Variants in PCDH9 observed in about 807,000 individuals in gnomAD.
PCDH9 encodes the protein protocadherin 9.
A neutral mutation model predicts 70.6 loss-of-function variants in PCDH9; 24 were observed. The observed-to-expected ratio is 0.34, with a 90% CI of 0.25 to 0.48. The LOEUF (loss-of-function observed/expected upper bound fraction) is 0.48. Among genes scored for constraint, PCDH9 ranks in the 20% least tolerant of loss-of-function variants. The pLI is 0.99. For missense variants in PCDH9, 1,281 were observed against 1,503.6 expected (o/e 0.85, Z 2.45); for synonymous variants, 562 against 558.5 (o/e 1.01, Z -0.09).
chr13:66,579,515 C>A (rs1264623498), intron 4 of PCDH9, among the ~76,000 whole-genome samples: 1 of 151,934 alleles, frequency 6.6e-6, no homozygotes. Flanking sequence ...ATTTTCGATG[C>A]TGACAATTTT....
In PCDH9 at chr13:66,646,668, A is replaced by G. The variant is rs111984770; in HGVS notation, c.3139-15257T>C. Among the ~76,000 whole-genome samples the G allele has an allele frequency of 4.1e-3, 619 of 152,350 alleles. 1 individual carries two copies. The highest frequency in any genetic ancestry group is 0.014 in the African/African-American group (598 of 41,588). ...AGATGGCTGAATAGAAGCCTTCACCAATCGTCTTCTACACAGAACATCAAA... is the reference window on the plus strand; with the variant it reads ...AGATGGCTGAATAGAAGCCTTCACCGATCGTCTTCTACACAGAACATCAAA... On this transcript the variant is annotated intron_variant, in intron 3 of 4. Coordinates refer to ENST00000377865, the MANE Select transcript of PCDH9 (RefSeq NM_203487.3).
chr13:66,859,289 T>C (rs2081443515), intron 3 of PCDH9, among the ~76,000 whole-genome samples: 1 of 152,130 alleles, frequency 6.6e-6, no homozygotes, highest in African/African-American at 2.4e-5. Context: ...TTCTTTTTGG[T>C]GTAGTAATAG....
intron 2 of PCDH9, among the ~76,000 whole-genome samples, chr13:66,913,688 C>T (rs1336401032): frequency 2.6e-5 from 4 of 151,862 alleles, no homozygotes; most frequent in East Asian, 1.9e-4. Context: ...TTTGCTCATT[C>T]GCTTAATATC....
At chr13:67,052,302 A>G (rs2085338389) in intron 2 of PCDH9, among the ~76,000 whole-genome samples, 1 of 152,066 alleles carries the variant, frequency 6.6e-6, no homozygotes. Flanking sequence ...GCCCTTTAAT[A>G]AGGGGTTAGG....
chr13:66,466,580 G>C (rs1796566395), intron 4 of PCDH9, among the ~76,000 whole-genome samples: 1 of 152,018 alleles, frequency 6.6e-6, no homozygotes, highest in Non-Finnish European at 1.5e-5. Context: ...CATGTGCTTT[G>C]TCTTGGTTCA....
intron 4 of PCDH9, among the ~76,000 whole-genome samples, chr13:66,514,500 AAAAAG>A (rs922460779): frequency 6.6e-6 from 1 of 151,724 alleles, no homozygotes; most frequent in African/African-American, 2.4e-5. Context: ...AAAAAAAAAA[AAAAAG>A]AAAGACATGC....
At chr13:67,197,266 T>C (rs189363826) in intron 2 of PCDH9, among the ~76,000 whole-genome samples, 90 of 152,062 alleles carry the variant, frequency 5.9e-4, no homozygotes, top group African/African-American at 2.0e-3. Context: ...ATGCATTCAT[T>C]CCTATGGCAA....
At chr13:66,630,896 TC>T in intron 4 of PCDH9, 1 of 220,062 alleles carries the variant, frequency 4.5e-6, no homozygotes, top group Non-Finnish European at 9.0e-6. Flanking sequence ...TTTTTGCAGT[TC>T]TAAAATGTGT....
At chr13:66,692,719 AT>A (rs1566509372) in intron 3 of PCDH9, among the ~76,000 whole-genome samples, 1 of 152,046 alleles carries the variant, frequency 6.6e-6, no homozygotes, top group Non-Finnish European at 1.5e-5. Context: ...TTATATTTAG[AT>A]TACTTTTAAT....
chr13:67,212,733 T>A (rs1261854950), intron 2 of PCDH9: 1 of 152,170 alleles, frequency 6.6e-6, no homozygotes, highest in Non-Finnish European at 1.5e-5. Flanking sequence ...GGATATCATC[T>A]CATTGTTAGA....
intron 4 of PCDH9, among the ~76,000 whole-genome samples, chr13:66,594,862 C>G (rs1010831835): frequency 2.6e-5 from 4 of 151,488 alleles, no homozygotes; most frequent in African/African-American, 9.7e-5. Flanking sequence ...TAGTATTCCA[C>G]AGTGTTGATT....
intron 4 of PCDH9, among the ~76,000 whole-genome samples, chr13:66,419,961 A>G (rs1957533543): frequency 1.3e-5 from 2 of 152,090 alleles, no homozygotes; most frequent in Admixed American, 1.3e-4. Flanking sequence ...TCTGAAGTCT[A>G]TCTGGGATGC....
At chr13:66,440,048 A>G (rs1458314032) in intron 4 of PCDH9, among the ~76,000 whole-genome samples, 1 of 152,188 alleles carries the variant, frequency 6.6e-6, no homozygotes, top group Non-Finnish European at 1.5e-5. Flanking sequence ...ATAACATCAT[A>G]TCAAGAGTAA....
intron 4 of PCDH9, among the ~76,000 whole-genome samples, chr13:66,420,969 C>T (rs966081767): frequency 2.6e-5 from 4 of 151,906 alleles, no homozygotes; most frequent in Non-Finnish European, 4.4e-5. Flanking sequence ...ACCAGAATAA[C>T]CAGTATAGAC....
chr13:66,308,320 A>C (rs1955504334), intron 4 of PCDH9, among the ~76,000 whole-genome samples: 1 of 152,122 alleles, frequency 6.6e-6, no homozygotes, highest in African/African-American at 2.4e-5. Context: ...GTTTTCATTA[A>C]ATAATATTAC....
At chr13:66,504,254 T>C (rs1218741244) in intron 4 of PCDH9, among the ~76,000 whole-genome samples, 2 of 152,240 alleles carry the variant, frequency 1.3e-5, no homozygotes, top group Non-Finnish European at 2.9e-5. Flanking sequence ...AAGCACATTT[T>C]GATATTTGTG....
intron 2 of PCDH9, among the ~76,000 whole-genome samples, chr13:67,085,319 A>G (rs2086085314): frequency 1.3e-5 from 2 of 151,584 alleles, no homozygotes; most frequent in African/African-American, 4.8e-5. Context: ...ATGTCCTTAA[A>G]GAAAGATTAT....
chr13:66,639,887 T>C (rs2077686609), intron 3 of PCDH9, among the ~76,000 whole-genome samples: 2 of 152,120 alleles, frequency 1.3e-5, no homozygotes, highest in African/African-American at 4.8e-5. Context: ...TGTGGTACTT[T>C]ATCTGAGCAC....
chr13:66,700,936 AT>A (rs1593916589), intron 3 of PCDH9, among the ~76,000 whole-genome samples: 1 of 97,862 alleles, frequency 1.0e-5, no homozygotes, highest in East Asian at 2.9e-4. Context: ...ATATATATAT[AT>A]ATATATATAT....
Sources: gnomAD v4.1 joint callset for allele counts (sites outside exome capture counted in the v4.1 genomes callset) on GRCh38, gnomAD v4.1.1 for gene constraint, MANE v1.5 for transcripts, NCBI Gene and HGNC (gene_info 2026-07-23, HGNC 2026-07-21) for gene names.